PIK3C2G: variants seen among roughly 807,000 people sequenced by gnomAD.
The protein encoded by PIK3C2G is phosphatidylinositol-4-phosphate 3-kinase catalytic subunit type 2 gamma, also known as phosphatidylinositol 3-kinase C2 domain-containing subunit gamma.
In PIK3C2G, 168 loss-of-function variants were observed where a neutral mutation model predicts 181.1. The ratio of observed to expected loss-of-function variants is 0.93; its 90% confidence interval spans 0.82 to 1.05. PIK3C2G has a LOEUF of 1.05. Ranked by LOEUF, PIK3C2G falls within the 50% of genes least tolerant of loss-of-function variation. The pLI, the probability that PIK3C2G is intolerant of heterozygous loss-of-function variation, is 0.00. For synonymous variants in PIK3C2G, 573 were observed against 592.2 expected, an observed-to-expected ratio of 0.97 and a Z score of 0.47; for missense variants, 1,869 against 1,732.8, an observed-to-expected ratio of 1.08 and a Z score of -1.40.
Position 18,505,414 on chromosome 12 carries a change from C to T in PIK3C2G, c.3276C>T (p.Asp1092=). ...LTKSGHMFHI[D]FGKFLGHAQT... ...AGTCGGGCCACATGTTTCATATTGA[C>T]TTTGGAAAATTCTTAGGTCATGCAC... The change falls in exon 24 of 33, where the codon GAC becomes GAT. Residue 1092 remains aspartate (D), a synonymous_variant. Coordinates refer to ENST00000538779, the MANE Select transcript of PIK3C2G (RefSeq NM_001288772.2). 1 of 1,613,404 alleles carries T rather than the reference C, an allele frequency of 6.2e-7. No individual in the cohort carries two copies. Among genetic ancestry groups the T allele is most frequent in the Non-Finnish European group, 8.5e-7 (1 of 1,179,606 alleles).
chr12:18,526,520 A>G (rs1413133631), intron 24 of PIK3C2G, among the ~76,000 whole-genome samples: 2 of 152,318 alleles, frequency 1.3e-5, no homozygotes, highest in African/African-American at 4.8e-5. Flanking sequence ...CATCACGTTT[A>G]CTTTCCTTGA....
At chr12:18,599,701 A>C (rs185772933) in intron 30 of PIK3C2G, among the ~76,000 whole-genome samples, 23 of 149,532 alleles carry the variant, frequency 1.5e-4, no homozygotes, top group Admixed American at 6.0e-4. Context: ...TAAAAATAAA[A>C]ATAAAGAAAA....
At chr12:18,605,375 A>G (rs1051989386) in intron 30 of PIK3C2G, among the ~76,000 whole-genome samples, 2 of 152,182 alleles carry the variant, frequency 1.3e-5, no homozygotes, top group African/African-American at 4.8e-5. Context: ...ATAAGCAGTG[A>G]GATTAAAATG....
At chr12:18,302,049 T>TAGGGACAAGGATACTGGGTGAATTAAACC (rs1950197994) in intron 5 of PIK3C2G, among the ~76,000 whole-genome samples, 2 of 152,172 alleles carry the variant, frequency 1.3e-5, no homozygotes, top group Non-Finnish European at 2.9e-5. Flanking sequence ...GAGGCTTTGC[T>TAGGGACAAGGATACTGGGTGAATTAAACC]AGGGACAAGG....
chr12:18,258,025 A>C (rs973330615), upstream of PIK3C2G, among the ~76,000 whole-genome samples: 141 of 152,246 alleles, frequency 9.3e-4, 2 homozygotes, highest in Non-Finnish European at 4.6e-4. Context: ...GATTTTCAGA[A>C]TCTAGAGTAA....
chr12:18,328,538 T>C (rs1951448810), intron 8 of PIK3C2G, among the ~76,000 whole-genome samples: 6 of 151,984 alleles, frequency 3.9e-5, no homozygotes, highest in Admixed American at 3.9e-4. Context: ...CTAATGGTAG[T>C]CTAAAACAAA....
intron 12 of PIK3C2G, among the ~76,000 whole-genome samples, chr12:18,363,280 A>G (rs1284304504): frequency 2.0e-5 from 3 of 152,206 alleles, no homozygotes; most frequent in Non-Finnish European, 2.9e-5. Context: ...ATTTTCTCAC[A>G]TAAGCTGAAG....
chr12:18,623,880 T>C (rs1460938621), intron 31 of PIK3C2G, among the ~76,000 whole-genome samples: 1 of 151,846 alleles, frequency 6.6e-6, no homozygotes, highest in Admixed American at 6.6e-5. Context: ...TACATGTTGA[T>C]TTTGTACCCT....
chr12:18,328,951 T>C (rs975844218), intron 8 of PIK3C2G, among the ~76,000 whole-genome samples: 6 of 151,890 alleles, frequency 4.0e-5, no homozygotes, highest in African/African-American at 9.6e-5. Flanking sequence ...CAAGGAGCAG[T>C]TGCAAGGTTG....
At chr12:18,449,698 A>G (rs1486885551) in intron 18 of PIK3C2G, among the ~76,000 whole-genome samples, 1 of 152,164 alleles carries the variant, frequency 6.6e-6, no homozygotes, top group African/African-American at 2.4e-5. Flanking sequence ...TATCCAGTCT[A>G]TCATTGATGG....
intron 18 of PIK3C2G, among the ~76,000 whole-genome samples, chr12:18,460,763 T>C (rs1947878441): frequency 6.6e-6 from 1 of 151,728 alleles, no homozygotes; most frequent in African/African-American, 2.4e-5. Context: ...AATAAAATAT[T>C]TGATAGGCCC....
chr12:18,441,934 T>C (rs755292547), intron 18 of PIK3C2G, among the ~76,000 whole-genome samples: 15 of 152,188 alleles, frequency 9.9e-5, no homozygotes, highest in Non-Finnish European at 1.5e-5. Flanking sequence ...TTCCTACGTC[T>C]ATCTGTGTAT....
At chr12:18,542,389 G>A (rs1944204146) in intron 25 of PIK3C2G, among the ~76,000 whole-genome samples, 1 of 151,760 alleles carries the variant, frequency 6.6e-6, no homozygotes, top group Non-Finnish European at 1.5e-5. Context: ...ATAGCATCAA[G>A]TATTTTTTTC....
chr12:18,676,715 C>T, the PIK3C2G span, among the ~76,000 whole-genome samples: 3 of 152,132 alleles, frequency 2.0e-5, no homozygotes, highest in Non-Finnish European at 4.4e-5. Flanking sequence ...TGCCTGCCCA[C>T]TTAACTATTC....
intron 24 of PIK3C2G, among the ~76,000 whole-genome samples, chr12:18,513,885 G>T (rs1436706305): frequency 6.6e-6 from 1 of 151,164 alleles, no homozygotes; most frequent in Non-Finnish European, 1.5e-5. Flanking sequence ...CCTTTCATTT[G>T]CCAGCTTTGA....
intron 3 of PIK3C2G, among the ~76,000 whole-genome samples, chr12:18,287,216 AT>A (rs939115113): frequency 2.5e-4 from 37 of 147,834 alleles, no homozygotes; most frequent in Non-Finnish European, 2.3e-4. Context: ...TTTGCAGTGA[AT>A]TTTTTTTTTT....
intron 18 of PIK3C2G, among the ~76,000 whole-genome samples, chr12:18,485,895 T>C (rs1490159750): frequency 3.3e-5 from 5 of 152,168 alleles, no homozygotes; most frequent in African/African-American, 9.6e-5. Context: ...TACAATCTTA[T>C]AGACAGAGGC....
At chr12:18,534,104 T>C (rs1039585071) in intron 24 of PIK3C2G, among the ~76,000 whole-genome samples, 3 of 151,500 alleles carry the variant, frequency 2.0e-5, no homozygotes, top group African/African-American at 7.3e-5. Context: ...TGTGTGCCAC[T>C]GTGCCTGGAT....
intron 16 of PIK3C2G, among the ~76,000 whole-genome samples, chr12:18,407,731 C>T (rs557714494): frequency 2.0e-5 from 3 of 152,146 alleles, no homozygotes; most frequent in South Asian, 2.1e-4. Context: ...AAGTTATATT[C>T]GAGCTCAAAT....
Sources: allele counts gnomAD v4.1 joint callset (sites outside exome capture counted in the v4.1 genomes callset), GRCh38; gene constraint gnomAD v4.1.1; transcripts MANE v1.5; gene names NCBI Gene and HGNC (gene_info 2026-07-23, HGNC 2026-07-21).